The following LRP1B variants were observed in gnomAD, a reference collection of about 807,000 sequenced individuals.
LRP1B encodes the protein LDL receptor related protein 1B.
A neutral mutation model predicts 556.6 loss-of-function variants in LRP1B; 217 were observed. The observed-to-expected ratio is 0.39, with a 90% CI of 0.35 to 0.44. The LOEUF (loss-of-function observed/expected upper bound fraction) is 0.44, where lower values mean the gene tolerates loss of function less well. LRP1B is among the 20% of genes least tolerant of loss of function. The pLI, the probability that LRP1B is intolerant of heterozygous loss-of-function variation, is 1.00. For synonymous variants in LRP1B, 2,047 were observed against 1,865.8 expected (o/e 1.10, Z -2.50); for missense variants, 5,053 against 5,620.8 (o/e 0.90, Z 3.23).
intron 2 of LRP1B, among the ~76,000 whole-genome samples, chr2:141,491,731 A>G (rs1436416527): frequency 6.6e-6 from 1 of 152,132 alleles, no homozygotes. Flanking sequence ...CAGACAGCTG[A>G]GTCATTTGAT....
chr2:141,555,124 A>G (rs1232675443), intron 2 of LRP1B, among the ~76,000 whole-genome samples: 1 of 152,008 alleles, frequency 6.6e-6, no homozygotes, highest in Non-Finnish European at 1.5e-5. Flanking sequence ...TGCCTGATGT[A>G]GAGATATACA....
intron 2 of LRP1B, among the ~76,000 whole-genome samples, chr2:141,694,590 G>T (rs1691665632): frequency 6.6e-6 from 1 of 151,656 alleles, no homozygotes; most frequent in African/African-American, 2.4e-5. Flanking sequence ...CCCATGATTA[G>T]GAAATCTCTA....
intron 41 of LRP1B, among the ~76,000 whole-genome samples, chr2:140,645,590 A>T (rs1168496728): frequency 8.3e-6 from 1 of 119,798 alleles, no homozygotes; most frequent in East Asian, 2.5e-4. Context: ...CCCAGGCTGG[A>T]GTGCAGTGAC....
intron 7 of LRP1B, among the ~76,000 whole-genome samples, chr2:141,077,727 C>T (rs1429224512): frequency 5.9e-5 from 9 of 152,150 alleles, no homozygotes; most frequent in Admixed American, 6.5e-5. Flanking sequence ...CCTTCCCTTC[C>T]GGATTGCCTG....
At chr2:141,424,225 T>G (rs1220462701) in intron 3 of LRP1B, among the ~76,000 whole-genome samples, 1 of 151,544 alleles carries the variant, frequency 6.6e-6, no homozygotes, top group Non-Finnish European at 1.5e-5. Context: ...GCAATTCTCC[T>G]GCCGCAGCCT....
chr2:141,652,095 A>T (rs1461332407), intron 2 of LRP1B, among the ~76,000 whole-genome samples: 1 of 152,174 alleles, frequency 6.6e-6, no homozygotes, highest in Admixed American at 6.5e-5. Context: ...ATTTTACCAG[A>T]TACAGGTCCC....
intron 2 of LRP1B, among the ~76,000 whole-genome samples, chr2:141,795,899 T>TA (rs374427352): frequency 2.6e-5 from 2 of 77,022 alleles, no homozygotes; most frequent in Non-Finnish European, 5.5e-5. Context: ...TATATATATA[T>TA]AATCTTTAAG....
At chr2:141,767,516 T>C (rs1026550319) in intron 2 of LRP1B, among the ~76,000 whole-genome samples, 5 of 152,304 alleles carry the variant, frequency 3.3e-5, no homozygotes, top group African/African-American at 7.2e-5. Flanking sequence ...ATTTGATGAA[T>C]AGACCGTTCA....
At chr2:141,876,499 G>A (rs554314915) in intron 1 of LRP1B, among the ~76,000 whole-genome samples, 3 of 151,846 alleles carry the variant, frequency 2.0e-5, no homozygotes, top group Non-Finnish European at 4.4e-5. Flanking sequence ...TACTCTTTCT[G>A]CATCAGGAGA....
At chr2:141,927,023 T>A (rs1257133673) in intron 1 of LRP1B, among the ~76,000 whole-genome samples, 1 of 152,158 alleles carries the variant, frequency 6.6e-6, no homozygotes, top group Non-Finnish European at 1.5e-5. Flanking sequence ...ATTTACTGAA[T>A]CAGAATCATA....
At chr2:140,587,073 T>C (rs1308812880) in intron 43 of LRP1B, among the ~76,000 whole-genome samples, 1 of 152,116 alleles carries the variant, frequency 6.6e-6, no homozygotes, top group Middle Eastern at 3.4e-3. Flanking sequence ...AAATAAAAAG[T>C]TCAGTGAATA....
At chr2:140,797,164 G>A (rs1008582870) in intron 32 of LRP1B, among the ~76,000 whole-genome samples, 9 of 151,760 alleles carry the variant, frequency 5.9e-5, no homozygotes, top group African/African-American at 1.7e-4. Context: ...TCCATATTCC[G>A]TGAATGCTTT....
intron 37 of LRP1B, among the ~76,000 whole-genome samples, chr2:140,708,298 T>C (rs954494314): frequency 1.2e-4 from 18 of 151,834 alleles, no homozygotes; most frequent in African/African-American, 4.1e-4. Flanking sequence ...GCCATTTGAG[T>C]TGTTCTTTCT....
At chr2:141,755,488 A>G (rs145422884) in intron 2 of LRP1B, among the ~76,000 whole-genome samples, 7 of 152,208 alleles carry the variant, frequency 4.6e-5, no homozygotes, top group Admixed American at 1.3e-4. Context: ...AATGGCAAAA[A>G]TGAAAATAAA....
intron 1 of LRP1B, among the ~76,000 whole-genome samples, chr2:141,972,947 T>C (rs771818822): frequency 1.3e-5 from 2 of 151,642 alleles, no homozygotes; most frequent in South Asian, 4.1e-4. Flanking sequence ...ACTTAATGAA[T>C]GTATCAAATA....
chr2:140,438,000 T>C (rs1397659236), intron 66 of LRP1B, among the ~76,000 whole-genome samples: 1 of 152,066 alleles, frequency 6.6e-6, no homozygotes, highest in East Asian at 1.9e-4. Flanking sequence ...CAAGTGTATA[T>C]GTGTGAAATA....
At chr2:141,956,794 G>T (rs866835534) in intron 1 of LRP1B, among the ~76,000 whole-genome samples, 4 of 152,098 alleles carry the variant, frequency 2.6e-5, no homozygotes, top group African/African-American at 9.6e-5. Context: ...ATTGTCCAAA[G>T]AATGAGTGAA....
At chr2:141,271,555 TG>T (rs1179432831) in intron 3 of LRP1B, among the ~76,000 whole-genome samples, 2 of 151,710 alleles carry the variant, frequency 1.3e-5, no homozygotes, top group African/African-American at 4.8e-5. Context: ...TTGGAACCTA[TG>T]GAGGTCAAAA....
intron 2 of LRP1B, among the ~76,000 whole-genome samples, chr2:141,559,605 G>A (rs778920443): frequency 2.0e-5 from 3 of 151,522 alleles, no homozygotes; most frequent in Non-Finnish European, 3.0e-5. Flanking sequence ...TAAGAAATGG[G>A]TATGCATTGG....
Sources: allele counts gnomAD v4.1 joint callset (sites outside exome capture counted in the v4.1 genomes callset), GRCh38; gene constraint gnomAD v4.1.1; transcripts MANE v1.5; gene names NCBI Gene and HGNC (gene_info 2026-07-23, HGNC 2026-07-21).